Variants in GOLPH3 observed in about 807,000 individuals in gnomAD.
GOLPH3 encodes golgi phosphoprotein 3.
A neutral mutation model predicts 28.5 loss-of-function variants in GOLPH3; 14 were observed. That is an observed-to-expected ratio of 0.49 (90% CI 0.32 to 0.77). GOLPH3 has a LOEUF of 0.77. GOLPH3 is among the 30% of genes least tolerant of loss of function. GOLPH3 has a pLI of 0.03. For missense variants in GOLPH3, 350 were observed against 393.7 expected (o/e 0.89, Z 0.94); for synonymous variants, 158 against 159.2 (o/e 0.99, Z 0.06).
chr5:32,165,299 C>G (rs1303286338), intron 1 of GOLPH3, among the ~76,000 whole-genome samples: 2 of 152,096 alleles, frequency 1.3e-5, no homozygotes, highest in African/African-American at 4.8e-5. Context: ...AATTATAGAA[C>G]AGGCCAGGCA....
At chr5:32,161,802 C>A (rs938182061) in intron 1 of GOLPH3, among the ~76,000 whole-genome samples, 1 of 150,616 alleles carries the variant, frequency 6.6e-6, no homozygotes, top group African/African-American at 2.5e-5. Flanking sequence ...CAGAGGCGGG[C>A]GGACCACGAG....
chr5:32,148,545 C>A (rs1056619976), intron 1 of GOLPH3, among the ~76,000 whole-genome samples: 2 of 152,194 alleles, frequency 1.3e-5, no homozygotes, highest in African/African-American at 4.8e-5. Context: ...CGCCTGTAAT[C>A]CCAGCACTTT....
intron 1 of GOLPH3, among the ~76,000 whole-genome samples, chr5:32,158,052 ACACACACACT>A (rs1476957922): frequency 2.2e-5 from 3 of 133,574 alleles, no homozygotes. Flanking sequence ...ACACACACAC[ACACACACACT>A]GGGCAAAATC....
chr5:32,140,937 C>T lies in GOLPH3; in HGVS notation c.357+2812G>A, dbSNP rs550393678. 3.9e-5 allele frequency among the ~76,000 whole-genome samples: 6 copies of T among 152,042 alleles called. No homozygotes were observed. The East Asian group carries it at 7.8e-4, about 20-fold the overall frequency. On this transcript the variant is annotated intron_variant, in intron 2 of 3. Coordinates refer to ENST00000265070, the MANE Select transcript of GOLPH3 (RefSeq NM_022130.4). ...TGCACTTTGGGAGGCCCAAGGCGAGCGGATCACTTGAGCCCAGGAGTTCGA... is the reference window on the plus strand; with the variant it reads ...TGCACTTTGGGAGGCCCAAGGCGAGTGGATCACTTGAGCCCAGGAGTTCGA...
Position 32,130,412 on chromosome 5 carries a change from TTTG to T in GOLPH3, c.473-3779_473-3777del, listed in dbSNP as rs528835658. ...GATTAATTAATTATGTAAAGAATAA[TTTG>T]TTGTTATCAAAGAAGTATTATCCCC... On this transcript the variant is annotated intron_variant, in intron 3 of 3. Coordinates refer to ENST00000265070, the MANE Select transcript of GOLPH3 (RefSeq NM_022130.4). Among the ~76,000 whole-genome samples, 206 of 152,358 alleles carry T rather than the reference TTTG, an allele frequency of 1.4e-3. 1 individual carries two copies. Among genetic ancestry groups the T allele is most frequent in the African/African-American group, 4.5e-3 (188 of 41,584 alleles).
At chr5:32,146,990 C>T (rs1381029993) in intron 1 of GOLPH3, among the ~76,000 whole-genome samples, 1 of 151,896 alleles carries the variant, frequency 6.6e-6, no homozygotes, top group African/African-American at 2.4e-5. Context: ...AGGCCACCTG[C>T]GGCCCACAGG....
At chr5:32,159,615 T>C (rs1190589992) in intron 1 of GOLPH3, among the ~76,000 whole-genome samples, 1 of 152,234 alleles carries the variant, frequency 6.6e-6, no homozygotes, top group African/African-American at 2.4e-5. Context: ...TTTTAAAGTA[T>C]ATTTAACAGC....
chr5:32,142,332 C>G (rs544591158), intron 2 of GOLPH3, among the ~76,000 whole-genome samples: 2 of 149,990 alleles, frequency 1.3e-5, no homozygotes, highest in African/African-American at 5.0e-5. Flanking sequence ...GCCTGGCAAC[C>G]GCCCCGTCTG....
At position 32,129,808 on chromosome 5, in the gene GOLPH3, G is replaced by A. The variant is rs140245015; in HGVS notation, c.473-3172C>T. Among the ~76,000 whole-genome samples, 508 of 151,986 alleles carry A rather than the reference G, an allele frequency of 3.3e-3. 1 individual carries two copies. Among genetic ancestry groups the A allele is most frequent in the Non-Finnish European group, 4.8e-3 (329 of 67,976 alleles). On this transcript the variant is annotated intron_variant, in intron 3 of 3. Transcript: ENST00000265070. ...GCAGCAGAATAGAATAAGCCCTGGA[G>A]TAGAGGCACACATCTTTCAAAAGTG...
intron 1 of GOLPH3, among the ~76,000 whole-genome samples, chr5:32,161,553 A>G (rs1746578356): frequency 6.6e-6 from 1 of 151,336 alleles, no homozygotes; most frequent in South Asian, 2.1e-4. Flanking sequence ...ATGAAACTTA[A>G]TATTTATTGT....
intron 1 of GOLPH3, among the ~76,000 whole-genome samples, chr5:32,163,694 C>T (rs1221331290): frequency 6.6e-6 from 1 of 151,738 alleles, no homozygotes; most frequent in Non-Finnish European, 1.5e-5. Flanking sequence ...TCTTTGTAAC[C>T]CCAGCATCTG....
In GOLPH3 at chr5:32,148,006, C is replaced by T. The variant is rs1326015413; in HGVS notation, c.226-4126G>A. On this transcript the variant is annotated intron_variant, in intron 1 of 3. Coordinates refer to ENST00000265070, the MANE Select transcript of GOLPH3 (RefSeq NM_022130.4). ...CAATTAGTAATTACTTAATTATGTACAATTAGAATGGAATGGGGATGGAGG... is the reference window on the plus strand; with the variant it reads ...CAATTAGTAATTACTTAATTATGTATAATTAGAATGGAATGGGGATGGAGG... 3.9e-5 allele frequency among the ~76,000 whole-genome samples: 6 copies of T among 152,080 alleles called. No individual in the cohort carries two copies. In the South Asian group the frequency reaches 1.2e-3, roughly 32 times the overall value.
In GOLPH3 at chr5:32,128,564, C is replaced by A. The variant is rs139311537; in HGVS notation, c.473-1928G>T. On this transcript the variant is annotated intron_variant, in intron 3 of 3. Coordinates refer to ENST00000265070, the MANE Select transcript of GOLPH3 (RefSeq NM_022130.4). ...ATCTCAGCTACTCGGACGGCTGAGG[C>A]AGGAGAATCATTTAAACCGGGGGAG... Among the ~76,000 whole-genome samples the A allele has an allele frequency of 6.0e-3, 916 of 152,140 alleles. 13 individuals carry two copies. The highest frequency in any genetic ancestry group is 0.021 in the African/African-American group (862 of 41,454).
chr5:32,126,228 G>C lies in GOLPH3; in HGVS notation c.881C>G (p.Ala294Gly). Reference sequence around the variant, plus strand: ...CGAGCAGAGTTACTTGGTGAACGCCGCCACCACCGCCCACAGAACCTCATT... The same window carrying C: ...CGAGCAGAGTTACTTGGTGAACGCCCCCACCACCGCCCACAGAACCTCATT... Reference protein sequence around the residue: ...NTNEVLWAVVAAFTK With the variant: ...NTNEVLWAVVGAFTK Residue 294 changes from alanine to glycine, a missense_variant, in exon 4 of 4, where the codon GCG (alanine) becomes GGG (glycine). Physicochemically the swap from Ala to Gly is moderately conservative, Grantham distance 60 (BLOSUM62 0). Transcript: ENST00000265070. The C allele has an allele frequency of 6.2e-7, 1 of 1,609,574 alleles. No individual in the cohort carries two copies. The highest frequency in any genetic ancestry group is 1.7e-4 in the Middle Eastern group (1 of 6,046).
chr5:32,154,926 T>C (rs952217623), intron 1 of GOLPH3, among the ~76,000 whole-genome samples: 5 of 151,904 alleles, frequency 3.3e-5, no homozygotes, highest in South Asian at 2.1e-4. Context: ...CTACTAAAAA[T>C]ACAAAAATTA....
chr5:32,151,218 CTT>C (rs34927671), intron 1 of GOLPH3, among the ~76,000 whole-genome samples: 10 of 135,266 alleles, frequency 7.4e-5, no homozygotes, highest in East Asian at 2.1e-4. Context: ...AATAAAGTTG[CTT>C]TTTTTTTTTT....
chr5:32,135,498 T>C, intron 3 of GOLPH3, 74 bp downstream of exon 3: 1 of 897,440 alleles, frequency 1.1e-6, no homozygotes, highest in East Asian at 2.4e-5. Context: ...TTTGTGTAGG[T>C]TCCTTTCAAA....
chr5:32,144,044 C>T lies in GOLPH3; in HGVS notation c.226-164G>A, dbSNP rs534368643. Among the ~76,000 whole-genome samples the T allele has an allele frequency of 3.3e-5, 5 of 152,176 alleles. No individual in the cohort carries two copies. The South Asian group carries it at 8.3e-4, about 25-fold the overall frequency. On this transcript the variant is annotated intron_variant, in intron 1 of 3. Coordinates refer to ENST00000265070, the MANE Select transcript of GOLPH3 (RefSeq NM_022130.4). ...AATACAATTAACATAAATTACTAAT[C>T]GAGAATTTTCGGGGGCTTATCTTTC...
chr5:32,155,098 C>CCAAAAAAA (rs1190803886), intron 1 of GOLPH3, among the ~76,000 whole-genome samples: 3 of 112,974 alleles, frequency 2.7e-5, no homozygotes, highest in African/African-American at 1.1e-4. Flanking sequence ...GACTCTGTCT[C>CCAAAAAAA]AAAAAAAAAA....
Sources: allele counts gnomAD v4.1 joint callset (sites outside exome capture counted in the v4.1 genomes callset), GRCh38; gene constraint gnomAD v4.1.1; transcripts MANE v1.5; gene names NCBI Gene and HGNC (gene_info 2026-07-23, HGNC 2026-07-21).